DEPDC4: variants seen among roughly 807,000 people sequenced by gnomAD.
DEPDC4 encodes the protein DEP domain containing 4, also known as DEP domain-containing protein 4.
In DEPDC4, 52 loss-of-function variants were observed where a neutral mutation model predicts 52.0. That is an observed-to-expected ratio of 1.00 (90% confidence interval 0.80 to 1.26). The LOEUF (loss-of-function observed/expected upper bound fraction) is 1.26, where lower values mean the gene tolerates loss of function less well. DEPDC4 is among the 50% of genes most tolerant of loss of function. The probability of loss-of-function intolerance (pLI) is 0.00; values close to 1 mark genes in which losing one functional copy is unlikely to be tolerated. For synonymous variants in DEPDC4, 201 were observed against 196.8 expected, an observed-to-expected ratio of 1.02 and a Z score of -0.18; for missense variants, 530 against 546.9, an observed-to-expected ratio of 0.97 and a Z score of 0.31.
chr12:100,265,338 G>A (rs923368012), intron 1 of DEPDC4, among the ~76,000 whole-genome samples: 6 of 152,132 alleles, frequency 3.9e-5, no homozygotes, highest in Admixed American at 3.9e-4. Flanking sequence ...GCTTAAGCCT[G>A]TAATCCCAGC....
intron 1 of DEPDC4, among the ~76,000 whole-genome samples, chr12:100,265,965 G>A (rs1300920756): frequency 1.3e-5 from 2 of 152,110 alleles, no homozygotes; most frequent in Admixed American, 1.3e-4. Context: ...ACAAAGTTGT[G>A]CAGCCATCAC....
chr12:100,264,838 G>C (rs984973429), intron 1 of DEPDC4, among the ~76,000 whole-genome samples: 17 of 152,086 alleles, frequency 1.1e-4, no homozygotes, highest in Non-Finnish European at 2.5e-4. Flanking sequence ...TCCCGATTAA[G>C]GGGTTTAGAT....
rs1290856446 is a variant in DEPDC4 at position 100,240,536 on chromosome 12, A to G, written c.*1356T>C. On this transcript the variant is annotated 3_prime_UTR_variant, in exon 10 of 10. Coordinates refer to ENST00000550587, the MANE Select transcript of DEPDC4 (RefSeq NM_001364818.2). The stretch of plus-strand genomic sequence containing the variant: ...GTAACCTCTGCTACATTAGGGAATG[A>G]TGCCATAGAGTGAACTAACCAATTT... 6.6e-6 allele frequency among the ~76,000 whole-genome samples: 1 copy of G among 152,198 alleles called. No individual in the cohort carries two copies. Among genetic ancestry groups the G allele is most frequent in the Non-Finnish European group, 1.5e-5 (1 of 68,040 alleles).
chr12:100,279,139 G>A, the DEPDC4 span, among the ~76,000 whole-genome samples: 1 of 152,306 alleles, frequency 6.6e-6, no homozygotes, highest in East Asian at 1.9e-4. Context: ...GACCGGATTC[G>A]TGGAAGACAG....
intron 9 of DEPDC4, among the ~76,000 whole-genome samples, chr12:100,232,466 G>T (rs953036660): frequency 5.3e-5 from 8 of 152,010 alleles, no homozygotes; most frequent in African/African-American, 1.9e-4. Flanking sequence ...CCAATGTGAC[G>T]GTTAAATTTC....
intron 3 of DEPDC4, among the ~76,000 whole-genome samples, chr12:100,258,244 A>G (rs183497413): frequency 5.3e-5 from 8 of 152,326 alleles, no homozygotes; most frequent in Non-Finnish European, 1.0e-4. Flanking sequence ...TTAGGTATCA[A>G]TAAGAAAACT....
At chr12:100,260,744 A>T (rs192228169) in intron 3 of DEPDC4, among the ~76,000 whole-genome samples, 69 of 151,062 alleles carry the variant, frequency 4.6e-4, no homozygotes, top group Admixed American at 1.2e-3. Flanking sequence ...AATAAATAAA[A>T]AATTAGCCAG....
At position 100,244,095 on chromosome 12, in the gene DEPDC4, GTATATATATATATATATATATATA is replaced by G. The variant is rs774444544; in HGVS notation, c.1454-1550_1454-1527del. 2.1e-4 allele frequency among the ~76,000 whole-genome samples: 11 copies of G among 51,640 alleles called. 1 individual carries two copies. The highest frequency in any genetic ancestry group is 4.9e-4 in the African/African-American group (8 of 16,378). 33.9% of individuals were successfully genotyped at this position (51,640 alleles called of 152,430 possible). On this transcript the variant is annotated intron_variant, in intron 8 of 9. Coordinates refer to ENST00000550587, the MANE Select transcript of DEPDC4 (RefSeq NM_001364818.2). ...CCTCTCTCTCTCTCTCTCTCTCTGTGTATATATATATATATATATATATATATATATATATATATACACAAAATA... is the reference window on the plus strand; with the variant it reads ...CCTCTCTCTCTCTCTCTCTCTCTGTGTATATATATATATATACACAAAATA...
At chr12:100,274,146 T>C in the DEPDC4 span, among the ~76,000 whole-genome samples, 1 of 152,312 alleles carries the variant, frequency 6.6e-6, no homozygotes, top group South Asian at 2.1e-4. Flanking sequence ...AAATCTTTAA[T>C]AGAAGAAAGT....
intron 9 of DEPDC4, among the ~76,000 whole-genome samples, chr12:100,232,239 TG>T: frequency 6.6e-6 from 1 of 150,876 alleles, no homozygotes; most frequent in East Asian, 2.0e-4. Context: ...TAAAAAACAA[TG>T]CAAAAATTAG....
At chr12:100,267,428 T>C, upstream of DEPDC4, 1 of 185,766 alleles carries the variant, frequency 5.4e-6, no homozygotes. Flanking sequence ...CCGACCGACC[T>C]CCCTCACCGG....
At chr12:100,235,307 C>T (rs1016767352), downstream of DEPDC4, among the ~76,000 whole-genome samples, 1 of 151,144 alleles carries the variant, frequency 6.6e-6, no homozygotes, top group African/African-American at 2.4e-5. Context: ...AATCGTAAAT[C>T]CAGGTCTATG....
intron 3 of DEPDC4, chr12:100,261,713 G>A: frequency 2.2e-6 from 1 of 456,712 alleles, no homozygotes; most frequent in South Asian, 1.5e-5. Flanking sequence ...AGTGTTATTA[G>A]ATGTATATTG....
intron 4 of DEPDC4, 105 bp downstream of exon 4, chr12:100,255,944 G>C: frequency 1.3e-6 from 1 of 772,470 alleles, no homozygotes; most frequent in Non-Finnish European, 2.1e-6. Flanking sequence ...AAGAGAGATA[G>C]TATAAGCTTA....
At chr12:100,264,176 C>T (rs186052047) in intron 1 of DEPDC4, among the ~76,000 whole-genome samples, 18 of 152,104 alleles carry the variant, frequency 1.2e-4, no homozygotes, top group Non-Finnish European at 2.2e-4. Context: ...CTAGTTATAC[C>T]GAATCTTCAA....
At chr12:100,266,794 G>GT in intron 1 of DEPDC4, 126 bp downstream of exon 1, 1 of 1,300,036 alleles carries the variant, frequency 7.7e-7, no homozygotes, top group Non-Finnish European at 1.0e-6. Context: ...TGGTAGGGCA[G>GT]GAAGGGGGCG....
In DEPDC4 at chr12:100,262,400, A is replaced by G; in HGVS notation, c.564T>C (p.Tyr188=). 1 of 1,607,106 alleles carries G rather than the reference A, an allele frequency of 6.2e-7. No individual in the cohort carries two copies. Among genetic ancestry groups the G allele is most frequent in the South Asian group, 1.1e-5 (1 of 89,006 alleles). ...GTGCTAGAGGATTTGAAATCATTTC[A>G]TATCCTGGTCTGTTAAAAAATAATA... ...NEFNETLRPG[Y]EMISNPLAQE... is the part of the protein sequence containing the mutation. The change falls in exon 3 of 10, where the codon TAT becomes TAC. Residue 188 remains tyrosine, a synonymous_variant. Transcript: ENST00000550587.
downstream of DEPDC4, among the ~76,000 whole-genome samples, chr12:100,235,544 C>T (rs191504528): frequency 6.6e-6 from 1 of 151,680 alleles, no homozygotes; most frequent in Non-Finnish European, 1.5e-5. Flanking sequence ...CACCCTTTCA[C>T]CCCCAAGTCC....
intron 7 of DEPDC4, among the ~76,000 whole-genome samples, chr12:100,251,098 T>C (rs551652744): frequency 2.6e-5 from 4 of 152,210 alleles, no homozygotes; most frequent in Non-Finnish European, 1.5e-5. Context: ...CATTATGACA[T>C]GAGACAAAAA....
Sources: allele counts gnomAD v4.1 joint callset (sites outside exome capture counted in the v4.1 genomes callset), GRCh38; gene constraint gnomAD v4.1.1; transcripts MANE v1.5; gene names NCBI Gene and HGNC (gene_info 2026-07-23, HGNC 2026-07-21).